The following ANO10 variants were observed in gnomAD, a reference collection of about 807,000 sequenced individuals.
ANO10 encodes anoctamin 10.
A neutral mutation model predicts 74.7 loss-of-function variants in ANO10; 77 were observed. The observed-to-expected ratio is 1.03, with a 90% CI of 0.86 to 1.25. The LOEUF (loss-of-function observed/expected upper bound fraction) is 1.25, where lower values mean the gene tolerates loss of function less well. Ranked by LOEUF, ANO10 falls within the 50% of genes most tolerant of loss-of-function variation. The pLI, the probability that ANO10 is intolerant of heterozygous loss-of-function variation, is 0.00. For synonymous variants in ANO10, 279 were observed against 284.9 expected, an observed-to-expected ratio of 0.98 and a Z score of 0.21; for missense variants, 721 against 778.1, an observed-to-expected ratio of 0.93 and a Z score of 0.87.
At chr3:43,492,095 G>A (rs2199892) in intron 11 of ANO10, among the ~76,000 whole-genome samples, 33,759 of 151,822 alleles carry the variant, frequency 0.22, 4,284 homozygotes, top group Middle Eastern at 0.36. Context: ...CCAAAAACCA[G>A]AACACCTCAG....
chr3:43,453,369 C>T (rs368539457), intron 11 of ANO10, among the ~76,000 whole-genome samples: 135 of 152,054 alleles, frequency 8.9e-4, no homozygotes, highest in African/African-American at 3.1e-3. Context: ...TTAGTACAGA[C>T]GGGGTTTCAC....
At chr3:43,669,873 C>T (rs2084036093) in intron 1 of ANO10, among the ~76,000 whole-genome samples, 1 of 151,938 alleles carries the variant, frequency 6.6e-6, no homozygotes, top group African/African-American at 2.4e-5. Context: ...CTACAGGTGC[C>T]CGCCACCACG....
At chr3:43,432,033 GAT>G (rs1436810845) in intron 12 of ANO10, among the ~76,000 whole-genome samples, 1 of 151,652 alleles carries the variant, frequency 6.6e-6, no homozygotes, top group African/African-American at 2.4e-5. Flanking sequence ...ACAAGTGAGA[GAT>G]ACTCCAGGTG....
intron 12 of ANO10, among the ~76,000 whole-genome samples, chr3:43,428,796 CAAAAAAA>C (rs56213626): frequency 5.4e-5 from 3 of 55,424 alleles, no homozygotes; most frequent in African/African-American, 6.7e-5. Flanking sequence ...TTTGTGAATG[CAAAAAAA>C]AAAAAAAAAA....
At chr3:43,663,153 G>T (rs1230557194) in intron 1 of ANO10, among the ~76,000 whole-genome samples, 6 of 152,156 alleles carry the variant, frequency 3.9e-5, no homozygotes, top group Admixed American at 1.3e-4. Flanking sequence ...ATAAAATGCT[G>T]GCAAACCGAA....
intron 11 of ANO10, among the ~76,000 whole-genome samples, chr3:43,474,379 T>C (rs1000793767): frequency 6.6e-6 from 1 of 152,100 alleles, no homozygotes; most frequent in African/African-American, 2.4e-5. Context: ...AGGAGCAACA[T>C]TTCCCCAGAA....
chr3:43,624,023 A>T (rs772532764), upstream of ANO10, among the ~76,000 whole-genome samples: 4 of 152,212 alleles, frequency 2.6e-5, no homozygotes, highest in Non-Finnish European at 4.4e-5. Flanking sequence ...AGGAATTAGG[A>T]AGAAAAATGA....
intron 11 of ANO10, among the ~76,000 whole-genome samples, chr3:43,546,147 T>C (rs190134038): frequency 1.3e-4 from 20 of 152,292 alleles, no homozygotes; most frequent in African/African-American, 4.3e-4. Flanking sequence ...AAAACAAATA[T>C]TCAAATACAC....
chr3:43,366,887 A>AGCTGGGCAC lies in ANO10; in HGVS notation c.*10_*18dup, dbSNP rs141722980. On this transcript the variant is annotated 3_prime_UTR_variant, in exon 13 of 13. Transcript: ENST00000292246. ...AGACACAGGCCTCTGCCAACAGGGCAGCTGGGCACGCTGGGCACTCAGGTT... is the reference window on the plus strand; with the variant it reads ...AGACACAGGCCTCTGCCAACAGGGCAGCTGGGCACGCTGGGCACGCTGGGCACTCAGGTT... 1.0e-3 allele frequency: 1,617 copies of AGCTGGGCAC among 1,572,664 alleles called. 13 individuals carry two copies. The African/African-American group carries it at 0.02, about 19-fold the overall frequency.
intron 6 of ANO10, among the ~76,000 whole-genome samples, chr3:43,575,156 C>A (rs1023956177): frequency 3.9e-5 from 6 of 152,056 alleles, no homozygotes; most frequent in Admixed American, 2.0e-4. Flanking sequence ...ACCCAAAGAC[C>A]CTGTATAAGA....
chr3:43,554,221 T>A (rs925415758), intron 10 of ANO10, among the ~76,000 whole-genome samples: 14 of 148,896 alleles, frequency 9.4e-5, no homozygotes, highest in Non-Finnish European at 1.0e-4. Flanking sequence ...TGAGATGGAG[T>A]GTCGCTCTGT....
intron 11 of ANO10, among the ~76,000 whole-genome samples, chr3:43,474,520 T>C (rs564045285): frequency 7.2e-4 from 110 of 152,318 alleles, no homozygotes; most frequent in Non-Finnish European, 1.5e-3. Flanking sequence ...AAGAGACATA[T>C]TCATTAACTT....
intron 6 of ANO10, 68 bp downstream of exon 6, chr3:43,576,624 G>T: frequency 6.6e-7 from 1 of 1,520,340 alleles, no homozygotes; most frequent in Non-Finnish European, 9.1e-7. Context: ...GCAGCTATGT[G>T]AATCCCATGA....
At chr3:43,606,647 T>TA (rs562111619) in intron 1 of ANO10, among the ~76,000 whole-genome samples, 5,884 of 141,644 alleles carry the variant, frequency 0.042, 154 homozygotes, top group Non-Finnish European at 0.061. Flanking sequence ...ATATAACTAC[T>TA]AAAAAAAAAA....
At chr3:43,644,882 C>G (rs2083710327) in intron 1 of ANO10, among the ~76,000 whole-genome samples, 1 of 152,222 alleles carries the variant, frequency 6.6e-6, no homozygotes, top group Non-Finnish European at 1.5e-5. Flanking sequence ...CTCAACCTGT[C>G]TGCACCTCTG....
At chr3:43,493,210 A>G (rs1299950022) in intron 11 of ANO10, among the ~76,000 whole-genome samples, 2 of 152,196 alleles carry the variant, frequency 1.3e-5, no homozygotes, top group African/African-American at 4.8e-5. Context: ...CTCACTCATA[A>G]GTGGGAGTTG....
intron 1 of ANO10, among the ~76,000 whole-genome samples, chr3:43,617,790 T>C (rs2083192414): frequency 6.6e-6 from 1 of 152,130 alleles, no homozygotes; most frequent in South Asian, 2.1e-4. Flanking sequence ...TGCATAACAC[T>C]GTCTTCAGGA....
rs2083877421 is a variant in ANO10, at chr3:43,658,081, C to T, written c.-12+33436G>A. Among the ~76,000 whole-genome samples the T allele has an allele frequency of 1.3e-5, 2 of 152,256 alleles. 1 individual carries two copies. The highest frequency in any genetic ancestry group is 4.1e-4 in the South Asian group (2 of 4,828). On this transcript the variant is annotated intron_variant, in intron 1 of 3. Transcript: ENST00000413397. ...ACTCAGGTAAAACCCACTGCAGGAGCACACATCTGCTGCCATTTAAACAGT... is the reference window on the plus strand; with the variant it reads ...ACTCAGGTAAAACCCACTGCAGGAGTACACATCTGCTGCCATTTAAACAGT...
chr3:43,528,053 A>C (rs1317440349), intron 11 of ANO10, among the ~76,000 whole-genome samples: 7 of 152,154 alleles, frequency 4.6e-5, no homozygotes, highest in Admixed American at 4.6e-4. Context: ...CTCACTACCA[A>C]GAAGATACTC....
Sources: allele counts gnomAD v4.1 joint callset (sites outside exome capture counted in the v4.1 genomes callset), GRCh38; gene constraint gnomAD v4.1.1; transcripts MANE v1.5; gene names NCBI Gene and HGNC (gene_info 2026-07-23, HGNC 2026-07-21).